Variants in ATP11C observed in about 807,000 individuals in gnomAD.
ATP11C encodes the protein ATPase phospholipid transporting 11C (ATP11C blood group).
ATP11C carries 36 observed loss-of-function variants against 97.4 expected under a neutral mutation model. The observed-to-expected ratio is 0.37, with a 90% confidence interval of 0.28 to 0.49. The LOEUF (loss-of-function observed/expected upper bound fraction) is 0.49. Ranked by LOEUF, ATP11C falls within the 20% of genes least tolerant of loss-of-function variation. The pLI is 0.98. For missense variants in ATP11C, 730 were observed against 824.6 expected (o/e 0.89, Z 1.40); for synonymous variants, 275 against 290.9 (o/e 0.95, Z 0.56).
rs895764823 is a variant in ATP11C, at chrX:139,815,818, T to A, written c.319-833A>T. On this transcript the variant is annotated intron_variant, in intron 4 of 29. Coordinates refer to ENST00000682941, the MANE Select transcript of ATP11C (RefSeq NM_001353812.2). ...CCACTTTTTCCCCTCAGGTACTATATCCATTCTTCTTCTGTCCTCTTTATG... is the reference window on the plus strand; with the variant it reads ...CCACTTTTTCCCCTCAGGTACTATAACCATTCTTCTTCTGTCCTCTTTATG... Among the ~76,000 whole-genome samples the A allele has an allele frequency of 3.6e-5, 4 of 110,636 alleles. No individual in the cohort carries two copies. In the Admixed American group the frequency reaches 3.8e-4, roughly 11 times the overall value.
chrX:139,741,200 A>G, intron 26 of ATP11C, 106 bp from the exon 27 acceptor site: 1 of 500,471 alleles, frequency 2.0e-6, no homozygotes, highest in Non-Finnish European at 3.5e-6. Context: ...GAAAGGATCT[A>G]GCTTGGGCCA....
chrX:139,750,626 C>T (rs751406479), intron 23 of ATP11C, among the ~76,000 whole-genome samples: 1 of 111,661 alleles, frequency 9.0e-6, no homozygotes, highest in East Asian at 2.8e-4. Context: ...TTTCTAACAT[C>T]CTCTTCCTGA....
At chrX:139,751,058 C>T (rs1274781964) in intron 23 of ATP11C, among the ~76,000 whole-genome samples, 1 of 112,196 alleles carries the variant, frequency 8.9e-6, no homozygotes. Context: ...ATGCATTAAA[C>T]TATGACACAA....
intron 5 of ATP11C, among the ~76,000 whole-genome samples, chrX:139,813,149 G>T (rs965726189): frequency 8.9e-6 from 1 of 111,811 alleles, no homozygotes; most frequent in African/African-American, 3.3e-5. Flanking sequence ...AAGATATACA[G>T]ATGACAAAGA....
intron 13 of ATP11C, among the ~76,000 whole-genome samples, chrX:139,788,602 C>A (rs1293859884): frequency 8.9e-6 from 1 of 111,820 alleles, no homozygotes; most frequent in Admixed American, 9.5e-5. Context: ...TAAGCCAAAG[C>A]AGTGACTTCT....
At chrX:139,884,948 A>C (rs1603411244) in intron 1 of ATP11C, among the ~76,000 whole-genome samples, 1 of 111,936 alleles carries the variant, frequency 8.9e-6, no homozygotes, top group East Asian at 2.8e-4. Context: ...CTCAAAACTC[A>C]ATGTAAATGT....
chrX:139,796,506 T>C, intron 11 of ATP11C, 36 bp from the exon 12 acceptor site: 3 of 915,989 alleles, frequency 3.3e-6, no homozygotes, highest in Non-Finnish European at 4.7e-6. Context: ...TAATTAGACA[T>C]ACAATTTCAT....
At chrX:139,829,979 T>C (rs1413928909) in intron 1 of ATP11C, among the ~76,000 whole-genome samples, 2 of 111,731 alleles carry the variant, frequency 1.8e-5, no homozygotes, top group Non-Finnish European at 3.8e-5. Flanking sequence ...TGAAAAGCCA[T>C]TGGAAATAAA....
rs72616299 is a variant in ATP11C, at chrX:139,732,253, C to G, written c.3289-498G>C. On this transcript the variant is annotated intron_variant, in intron 28 of 29. Coordinates refer to ENST00000682941, the MANE Select transcript of ATP11C (RefSeq NM_001353812.2). The stretch of plus-strand genomic sequence containing the variant: ...CCGTAGTCCAAGCTTTTAAAAATTA[C>G]TTCCTCTCCAGTGTGACAATTTGGA... Among the ~76,000 whole-genome samples the G allele has an allele frequency of 9.9e-5, 11 of 111,289 alleles. No individual in the cohort carries two copies. The East Asian group carries it at 3.1e-3, about 32-fold the overall frequency.
At chrX:139,740,394 C>T (rs1276840934) in intron 27 of ATP11C, among the ~76,000 whole-genome samples, 2 of 111,553 alleles carry the variant, frequency 1.8e-5, no homozygotes, top group Non-Finnish European at 3.8e-5. Context: ...TGATTCTGAA[C>T]AAACATCTAT....
chrX:139,735,527 C>G (rs779369251), intron 28 of ATP11C, among the ~76,000 whole-genome samples: 5 of 111,940 alleles, frequency 4.5e-5, no homozygotes, highest in Non-Finnish European at 7.5e-5. Flanking sequence ...GCAAGGAATA[C>G]AGAACAAAGT....
intron 25 of ATP11C, 107 bp downstream of exon 25, chrX:139,745,615 T>C (rs2148639603): frequency 2.3e-6 from 2 of 856,308 alleles, no homozygotes; most frequent in East Asian, 6.7e-5. Flanking sequence ...AGAAAAAGTT[T>C]GTAAAATGAT....
intron 12 of ATP11C, among the ~76,000 whole-genome samples, chrX:139,790,701 T>A (rs1261849252): frequency 2.7e-5 from 3 of 111,648 alleles, no homozygotes; most frequent in Non-Finnish European, 5.6e-5. Context: ...CATTAACAGT[T>A]ACCTAATTGG....
At chrX:139,880,892 T>C (rs1765256186) in intron 1 of ATP11C, among the ~76,000 whole-genome samples, 1 of 111,987 alleles carries the variant, frequency 8.9e-6, no homozygotes, top group African/African-American at 3.2e-5. Context: ...CTACAAGTCA[T>C]AACAAACTGT....
At chrX:139,734,611 T>C (rs766560182) in intron 28 of ATP11C, among the ~76,000 whole-genome samples, 2 of 111,547 alleles carry the variant, frequency 1.8e-5, no homozygotes, top group Non-Finnish European at 3.8e-5. Context: ...GACACAACTT[T>C]TTGAAATACA....
intron 1 of ATP11C, among the ~76,000 whole-genome samples, chrX:139,868,539 A>C (rs1480901961): frequency 9.3e-6 from 1 of 107,338 alleles, no homozygotes; most frequent in Non-Finnish European, 1.9e-5. Flanking sequence ...AATATGGTGA[A>C]ACCCCATCTC....
Position 139,884,305 on chromosome X carries a change from C to T in ATP11C, c.27+47711G>A, listed in dbSNP as rs186305224. Among the ~76,000 whole-genome samples the T allele has an allele frequency of 4.6e-3, 509 of 111,280 alleles. 4 individuals carry two copies. The highest frequency in any genetic ancestry group is 0.014 in the Middle Eastern group (3 of 216). ...CCCAAAATAACCTTACTGAAACAAC[C>T]TGAAATGGTTTGTGTCACTTAGAGA... On this transcript the variant is annotated intron_variant, in intron 1 of 29. Coordinates refer to ENST00000682941, the MANE Select transcript of ATP11C (RefSeq NM_001353812.2).
chrX:139,731,630 C>T (rs758137870), intron 29 of ATP11C, 21 bp downstream of exon 29: 1 of 1,023,995 alleles, frequency 9.8e-7, no homozygotes, highest in East Asian at 3.2e-5. Flanking sequence ...AAAGCCAGCC[C>T]ATTTGTTTAA....
chrX:139,876,668 A>T (rs1003430813), intron 1 of ATP11C, among the ~76,000 whole-genome samples: 1 of 112,275 alleles, frequency 8.9e-6, no homozygotes, highest in Non-Finnish European at 1.9e-5. Flanking sequence ...CTGAGCTAGA[A>T]AGCAGGGAGA....
Sources: allele counts gnomAD v4.1 joint callset (sites outside exome capture counted in the v4.1 genomes callset), GRCh38; gene constraint gnomAD v4.1.1; transcripts MANE v1.5; gene names NCBI Gene and HGNC (gene_info 2026-07-23, HGNC 2026-07-21).